Variants in KLK7 observed in about 807,000 individuals in gnomAD.
The protein encoded by KLK7 is kallikrein related peptidase 7.
A neutral mutation model predicts 21.0 loss-of-function variants in KLK7; 17 were observed. The observed-to-expected ratio is 0.81, with a 90% confidence interval of 0.55 to 1.21. The LOEUF (loss-of-function observed/expected upper bound fraction) is 1.21. Ranked by LOEUF, KLK7 falls within the 50% of genes most tolerant of loss-of-function variation. The pLI, the probability that KLK7 is intolerant of heterozygous loss-of-function variation, is 0.00. For missense variants in KLK7, 330 were observed against 322.8 expected, an observed-to-expected ratio of 1.02 and a Z score of -0.17; for synonymous variants, 151 against 134.6, an observed-to-expected ratio of 1.12 and a Z score of -0.85.
rs759162373 is a variant in KLK7 at position 50,980,477 on chromosome 19, C to T, written c.232G>A (p.Val78Met). 63 of 1,613,580 alleles carry T rather than the reference C, an allele frequency of 3.9e-5. No homozygotes were observed. The highest frequency in any genetic ancestry group is 4.4e-5 in the Non-Finnish European group (52 of 1,179,866). The change falls in exon 4 of 6, where the codon GTG becomes ATG. Residue 78 changes from valine to methionine, a missense_variant. Transcript: ENST00000595820. ...AAHCKMNEYTVHLGSDTLGDR... is the reference protein window; with the variant it reads ...AAHCKMNEYTMHLGSDTLGDR... ...CCCAGCGTATCACTGCCCAGGTGCA[C>T]GGTGTACTCACTGCGAGGAGTGACA...
At chr19:50,983,929 G>A, upstream of KLK7, 1 of 1,288,764 alleles carries the variant, frequency 7.8e-7, no homozygotes, top group South Asian at 1.2e-5. Context: ...TCCCTCTGCT[G>A]GGCCGTCCTC....
At chr19:50,978,306 C>G (rs938328920) in intron 5 of KLK7, among the ~76,000 whole-genome samples, 1 of 152,106 alleles carries the variant, frequency 6.6e-6, no homozygotes, top group Non-Finnish European at 1.5e-5. Flanking sequence ...TCTCCCATCT[C>G]CTCTATCCCT....
intron 3 of KLK7, 38 bp downstream of exon 3, chr19:50,981,729 G>A (rs771416833): frequency 3.9e-6 from 6 of 1,528,888 alleles, no homozygotes; most frequent in African/African-American, 2.7e-5. Context: ...AGCTGGAGAC[G>A]CTGGTGCACC....
intron 1 of KLK7, 70 bp downstream of exon 1, chr19:50,983,781 G>C (rs911711845): frequency 7.8e-7 from 1 of 1,281,080 alleles, no homozygotes; most frequent in African/African-American, 1.5e-5. Flanking sequence ...CCTCTCGAGA[G>C]CAGAGTCAGG....
chr19:50,980,388 C>G lies in KLK7; in HGVS notation c.321G>C (p.Gln107His), dbSNP rs757753172. Residue 107 changes from glutamine (Q) to histidine (H), a missense_variant, in exon 4 of 6, where the codon CAG becomes CAC. Transcript: ENST00000595820. ...CGAGCATGAGGTCATTAACATGGGT[C>G]TGTGTGGAGTAGCCGGGGTGGCGGA... ...KSFRHPGYST[Q>H]THVNDLMLVK... is the part of the protein sequence containing the mutation. 6 of 1,613,910 alleles carry G rather than the reference C, an allele frequency of 3.7e-6. No individual in the cohort carries two copies. The highest frequency in any genetic ancestry group is 1.3e-5 in the African/African-American group (1 of 74,868).
chr19:50,980,338 AGCCTGGCCTG>A lies in KLK7; in HGVS notation c.361_370del (p.Gln121CysfsTer5). ...CCTGACTTTCTTCACCATGGATGAC[AGCCTGGCCTG>A]GCTATTGAGCTTCACGAGCATGAGG... On this transcript the variant is annotated frameshift_variant, in exon 4 of 6. Transcript: ENST00000595820. LOFTEE classifies it high-confidence loss of function. 1 of 1,614,054 alleles carries A rather than the reference AGCCTGGCCTG, an allele frequency of 6.2e-7. No homozygotes were observed. Among genetic ancestry groups the A allele is most frequent in the Non-Finnish European group, 8.5e-7 (1 of 1,179,956 alleles).
intron 5 of KLK7, among the ~76,000 whole-genome samples, chr19:50,978,619 G>GT (rs1434330621): frequency 1.7e-5 from 2 of 114,672 alleles, no homozygotes; most frequent in Non-Finnish European, 3.6e-5. Flanking sequence ...CAAAGAGAAA[G>GT]GGGGGGAAGG....
chr19:50,979,762 G>A, intron 5 of KLK7, 26 bp downstream of exon 5: 3 of 1,558,786 alleles, frequency 1.9e-6, no homozygotes, highest in Non-Finnish European at 2.6e-6. Flanking sequence ...CCAGGACTGG[G>A]GAGGAATTGG....
At chr19:50,980,781 AGG>A (rs2091074360) in intron 3 of KLK7, among the ~76,000 whole-genome samples, 1 of 43,912 alleles carries the variant, frequency 2.3e-5, no homozygotes, top group African/African-American at 9.4e-5. Context: ...CAGAGAGAGG[AGG>A]GGGGAGAGAG....
intron 2 of KLK7, 107 bp from the exon 3 acceptor site, chr19:50,982,021 G>A (rs2091093372): frequency 8.1e-7 from 1 of 1,237,044 alleles, no homozygotes; most frequent in Non-Finnish European, 1.1e-6. Context: ...AGATGAAAAT[G>A]TGTGGAGAAA....
At chr19:50,979,166 C>A (rs1230991563) in intron 5 of KLK7, among the ~76,000 whole-genome samples, 1 of 151,950 alleles carries the variant, frequency 6.6e-6, no homozygotes, top group Non-Finnish European at 1.5e-5. Context: ...TTCCCCGGGA[C>A]CAGGGCCAGG....
rs1282635659 is a variant in KLK7, at chr19:50,979,815, G to T, written c.579C>A (p.Ile193=). 9 of 1,575,310 alleles carry T rather than the reference G, an allele frequency of 5.7e-6. No individual in the cohort carries two copies. Among genetic ancestry groups the T allele is most frequent in the Non-Finnish European group, 7.8e-6 (9 of 1,159,306 alleles). ...TGCAGGCGTTTTTCTTGGAGTCGGGGATGCCAGCGCACAGCATGGAATTTT... is the reference window on the plus strand; with the variant it reads ...TGCAGGCGTTTTTCTTGGAGTCGGGTATGCCAGCGCACAGCATGGAATTTT... The part of the protein sequence containing the change: ...LLENSMLCAG[I]PDSKKNACNG... The change falls in exon 5 of 6, where the codon ATC becomes ATA. Residue 193 remains isoleucine (I), a synonymous_variant. Transcript: ENST00000595820.
intron 1 of KLK7, 134 bp downstream of exon 1, chr19:50,983,717 G>A: frequency 8.7e-7 from 1 of 1,152,390 alleles, no homozygotes; most frequent in Non-Finnish European, 1.1e-6. Context: ...GCCCCAAATT[G>A]CAGACTTCCA....
chr19:50,979,899 G>T lies in KLK7; in HGVS notation c.495C>A (p.Cys165Ter), dbSNP rs771050893. The T allele has an allele frequency of 2.5e-6, 4 of 1,594,962 alleles. No individual in the cohort carries two copies. Among genetic ancestry groups the T allele is most frequent in the Non-Finnish European group, 3.4e-6 (4 of 1,170,744 alleles). The part of the protein sequence containing the change: ...PDVTFPSDLM[C>*]VDVKLISPQD... ...GGGGGGAGATGAGCTTGACATCCACGCACATGAGGTCAGAGGGAAAGGTCA... is the reference window on the plus strand; with the variant it reads ...GGGGGGAGATGAGCTTGACATCCACTCACATGAGGTCAGAGGGAAAGGTCA... Residue 165 changes from cysteine to a stop codon, truncating the protein, a stop_gained, in exon 5 of 6, where the codon TGC (cysteine) becomes TGA (stop). Coordinates refer to ENST00000595820, the MANE Select transcript of KLK7 (RefSeq NM_005046.4). LOFTEE classifies it high-confidence loss of function.
rs753050757 is a variant in KLK7 at position 50,980,298 on chromosome 19, G to A, written c.411C>T (p.Cys137=). Residue 137 remains cysteine (C), a synonymous_variant, in exon 4 of 6, where the codon TGC becomes TGT. Coordinates refer to ENST00000595820, the MANE Select transcript of KLK7 (RefSeq NM_005046.4). ...MVKKVRLPSR[C]EPPGTTCTVS... is the part of the protein sequence containing the mutation. ...CAGTACAGGTGGTTCCAGGGGGTTC[G>A]CAGCGGGAGGGCAGCCTGACTTTCT... 4.3e-6 allele frequency: 7 copies of A among 1,613,912 alleles called. No homozygotes were observed. Among genetic ancestry groups the A allele is most frequent in the African/African-American group, 2.7e-5 (2 of 74,880 alleles).
intron 5 of KLK7, 149 bp from the exon 6 acceptor site, chr19:50,977,840 T>C: frequency 2.4e-6 from 2 of 823,982 alleles, no homozygotes; most frequent in Admixed American, 5.0e-5. Flanking sequence ...TGGGGACTAA[T>C]GGGAGAGCTA....
Position 50,977,529 on chromosome 19 carries a change from T to A in KLK7, c.*7A>T. Reference sequence around the variant, plus strand: ...GGAAGCACACAGTTAATTAACTCAGTGTGGCGTTAGCGATGCTTTTTCATG... The same window carrying A: ...GGAAGCACACAGTTAATTAACTCAGAGTGGCGTTAGCGATGCTTTTTCATG... On this transcript the variant is annotated 3_prime_UTR_variant, in exon 6 of 6. Coordinates refer to ENST00000595820, the MANE Select transcript of KLK7 (RefSeq NM_005046.4). The A allele has an allele frequency of 6.2e-7, 1 of 1,613,070 alleles. No homozygotes were observed. Among genetic ancestry groups the A allele is most frequent in the South Asian group, 1.1e-5 (1 of 91,070 alleles).
In KLK7 at chr19:50,980,334, T is replaced by G; in HGVS notation, c.375A>C (p.Ser125=). 1.2e-6 allele frequency: 2 copies of G among 1,613,978 alleles called. No homozygotes were observed. The highest frequency in any genetic ancestry group is 2.2e-5 in the South Asian group (2 of 91,078). Residue 125 remains serine, a synonymous_variant, in exon 4 of 6, where the codon TCA becomes TCC. Transcript: ENST00000595820. ...GCAGCCTGACTTTCTTCACCATGGA[T>G]GACAGCCTGGCCTGGCTATTGAGCT... ...LVKLNSQARL[S]SMVKKVRLPS... is the part of the protein sequence containing the mutation.
chr19:50,979,597 G>A (rs543459215), intron 5 of KLK7, among the ~76,000 whole-genome samples, 191 bp downstream of exon 5: 11 of 152,226 alleles, frequency 7.2e-5, no homozygotes, highest in Admixed American at 7.2e-4. Context: ...CATCCCCAGG[G>A]CCACATTGGC....
Sources: allele counts gnomAD v4.1 joint callset (sites outside exome capture counted in the v4.1 genomes callset), GRCh38; gene constraint gnomAD v4.1.1; transcripts MANE v1.5; gene names NCBI Gene and HGNC (gene_info 2026-07-23, HGNC 2026-07-21).